Variants in RASA2 observed in about 807,000 individuals in gnomAD.
RASA2 encodes the protein ras GTPase-activating protein 2.
In RASA2, 155 loss-of-function variants were observed where a neutral mutation model predicts 118.2. The ratio of observed to expected loss-of-function variants is 1.31; its 90% CI spans 1.15 to 1.50. The LOEUF (loss-of-function observed/expected upper bound fraction) is 1.50. Ranked by LOEUF, RASA2 falls within the 40% of genes most tolerant of loss-of-function variation. The probability of loss-of-function intolerance (pLI) is 0.00; values close to 1 mark genes in which losing one functional copy is unlikely to be tolerated. For synonymous variants in RASA2, 353 were observed against 349.1 expected (o/e 1.01, Z -0.12); for missense variants, 1,016 against 1,009.6 (o/e 1.01, Z -0.09).
intron 6 of RASA2, 64 bp downstream of exon 6, chr3:141,554,004 G>A: frequency 6.5e-7 from 1 of 1,542,644 alleles, no homozygotes; most frequent in Non-Finnish European, 8.7e-7. Flanking sequence ...AATTTAAAAA[G>A]TAAGATTCTA....
intron 4 of RASA2, among the ~76,000 whole-genome samples, chr3:141,532,896 ATT>A (rs553359590): frequency 4.3e-4 from 65 of 151,992 alleles, no homozygotes; most frequent in African/African-American, 1.5e-3. Context: ...CTGTTTAAAT[ATT>A]GTTTTTTTTC....
In RASA2 at chr3:141,586,720, C is replaced by CA. The variant is rs1175520268; in HGVS notation, c.1903dup (p.Ser635LysfsTer55). On this transcript the variant is annotated frameshift_variant, in exon 19 of 24. Transcript: ENST00000286364. LOFTEE classifies it high-confidence loss of function. ...TTTAAGAAACGATGGTTCTGCTTAACAAGCAGAGAGCTCACCTACCACAAA... is the reference window on the plus strand; with the variant it reads ...TTTAAGAAACGATGGTTCTGCTTAACAAAGCAGAGAGCTCACCTACCACAAA... The CA allele has an allele frequency of 6.2e-7, 1 of 1,613,324 alleles. No homozygotes were observed.
chr3:141,499,429 C>T (rs2081746836), intron 1 of RASA2, among the ~76,000 whole-genome samples: 1 of 152,162 alleles, frequency 6.6e-6, no homozygotes, highest in Non-Finnish European at 1.5e-5. Context: ...TAGCCACACA[C>T]ACACACACGA....
chr3:141,585,601 C>G (rs181042623), intron 17 of RASA2, among the ~76,000 whole-genome samples: 18 of 152,188 alleles, frequency 1.2e-4, no homozygotes, highest in Non-Finnish European at 2.1e-4. Context: ...GAGTTCAAGA[C>G]CAGCCTGGCC....
rs985417432 is a variant in RASA2, at chr3:141,613,578, A to AT, written c.*1269dup. The stretch of plus-strand genomic sequence containing the variant: ...TATTTTGTCTTTTTTAATTCAAAAC[A>AT]TTTTCTAAATGTGGTACTTTGAACC... On this transcript the variant is annotated 3_prime_UTR_variant, in exon 24 of 24. Coordinates refer to ENST00000286364, the MANE Select transcript of RASA2 (RefSeq NM_006506.5). The AT allele has an allele frequency of 6.6e-6, 1 of 152,046 alleles. No individual in the cohort carries two copies. Among genetic ancestry groups the AT allele is most frequent in the Non-Finnish European group, 1.5e-5 (1 of 67,994 alleles). 9.4% of individuals were successfully genotyped at this position (152,046 alleles called of 1,614,324 possible).
rs200456263 is a variant in RASA2 at position 141,610,028 on chromosome 3, T to C, written c.2481T>C (p.Tyr827=). The part of the protein sequence containing the change: ...IEKLDEPHEK[Y]RKKRSSSAKY... ...AGCTGGATGAACCTCATGAAAAATA[T>C]AGGAAGAAAAGATCCAGTAGTGCAA... is the stretch of plus-strand genomic sequence containing the variant. The change falls in exon 23 of 24, where the codon TAT becomes TAC. Residue 827 remains tyrosine, a synonymous_variant. Transcript: ENST00000286364. The C allele has an allele frequency of 8.1e-6, 13 of 1,603,054 alleles. 1 individual carries two copies. The highest frequency in any genetic ancestry group is 1.3e-5 in the African/African-American group (1 of 74,232).
At chr3:141,492,870 G>A (rs1042200101) in intron 1 of RASA2, among the ~76,000 whole-genome samples, 1 of 152,128 alleles carries the variant, frequency 6.6e-6, no homozygotes, top group South Asian at 2.1e-4. Flanking sequence ...GTTAAGAGAC[G>A]CTAACCCACT....
chr3:141,589,805 C>T (rs1444766209), intron 19 of RASA2, among the ~76,000 whole-genome samples: 1 of 150,982 alleles, frequency 6.6e-6, no homozygotes, highest in Non-Finnish European at 1.5e-5. Context: ...CGCGCCACTG[C>T]ATTCCAGCCT....
rs764928134 is a variant in RASA2 at position 141,555,831 on chromosome 3, T to C, written c.612-9T>C. ...TTCTACAAGGTAAAACTCTACCACATTGGAACAGGAATGACCAAAAGAAGA... is the reference window on the plus strand; with the variant it reads ...TTCTACAAGGTAAAACTCTACCACACTGGAACAGGAATGACCAAAAGAAGA... On this transcript the variant is annotated splice_polypyrimidine_tract_variant and intron_variant, in intron 6 of 23. Transcript: ENST00000286364. The C allele has an allele frequency of 4.4e-6, 7 of 1,607,962 alleles. No individual in the cohort carries two copies. Among genetic ancestry groups the C allele is most frequent in the East Asian group, 2.2e-5 (1 of 44,750 alleles).
intron 1 of RASA2, 99 bp downstream of exon 1, chr3:141,487,315 G>C (rs1490709302): frequency 8.5e-7 from 1 of 1,182,846 alleles, no homozygotes; most frequent in African/African-American, 1.6e-5. Flanking sequence ...GCTGCGCTGG[G>C]ATCGCGGGCC....
chr3:141,576,961 T>C (rs1470874308), intron 14 of RASA2, 39 bp from the exon 15 acceptor site: 5 of 1,307,160 alleles, frequency 3.8e-6, no homozygotes, highest in African/African-American at 3.0e-5. Flanking sequence ...GTTTTTTAAT[T>C]GTTTTTGTGC....
At chr3:141,597,493 G>T (rs1441446649) in intron 19 of RASA2, among the ~76,000 whole-genome samples, 1 of 152,130 alleles carries the variant, frequency 6.6e-6, no homozygotes, top group Admixed American at 6.5e-5. Flanking sequence ...AGGCATGAGG[G>T]ATTTTATTGG....
intron 1 of RASA2, 134 bp downstream of exon 1, chr3:141,487,350 G>C (rs2081590253): frequency 9.2e-7 from 1 of 1,084,380 alleles, no homozygotes; most frequent in Middle Eastern, 3.8e-4. Flanking sequence ...GGCCGGGCGC[G>C]GTTGAGGCTG....
chr3:141,532,770 C>T (rs1468511131), intron 4 of RASA2, among the ~76,000 whole-genome samples: 1 of 152,072 alleles, frequency 6.6e-6, no homozygotes, highest in African/African-American at 2.4e-5. Context: ...TGTAGACCTC[C>T]CCCCTGCCCT....
Position 141,606,226 on chromosome 3 carries a change from C to A in RASA2, c.1934-1452C>A, listed in dbSNP as rs547288598. On this transcript the variant is annotated intron_variant, in intron 19 of 23. Coordinates refer to ENST00000286364, the MANE Select transcript of RASA2 (RefSeq NM_006506.5). ...ATCTGGCTTAGACTATGGCTTCCTT[C>A]AGTTACTGCCTCCCTGCCCCACCAT... Among the ~76,000 whole-genome samples the A allele has an allele frequency of 3.3e-5, 5 of 152,332 alleles. No homozygotes were observed. In the South Asian group the frequency reaches 1.0e-3, roughly 32 times the overall value.
intron 5 of RASA2, among the ~76,000 whole-genome samples, chr3:141,545,949 T>C (rs1051459675): frequency 2.6e-5 from 4 of 152,220 alleles, no homozygotes; most frequent in African/African-American, 9.6e-5. Flanking sequence ...AGTGAGACCA[T>C]ACGAGGTTTG....
intron 17 of RASA2, among the ~76,000 whole-genome samples, chr3:141,582,163 T>C (rs564326158): frequency 6.6e-6 from 1 of 152,318 alleles, no homozygotes; most frequent in South Asian, 2.1e-4. Context: ...GCCAGAGTAT[T>C]TATTTTGTTG....
At chr3:141,580,491 A>G in intron 16 of RASA2, 40 bp downstream of exon 16, 1 of 1,478,674 alleles carries the variant, frequency 6.8e-7, no homozygotes, top group Non-Finnish European at 9.3e-7. Flanking sequence ...TACACTTCTA[A>G]ATGTTGTTAC....
chr3:141,554,792 G>A (rs2082623978), intron 6 of RASA2, among the ~76,000 whole-genome samples: 2 of 152,086 alleles, frequency 1.3e-5, no homozygotes, highest in Non-Finnish European at 2.9e-5. Context: ...TCAAACAATA[G>A]TATGCTATTA....
Sources: gnomAD v4.1 joint callset for allele counts (sites outside exome capture counted in the v4.1 genomes callset) on GRCh38, gnomAD v4.1.1 for gene constraint, MANE v1.5 for transcripts, NCBI Gene and HGNC (gene_info 2026-07-23, HGNC 2026-07-21) for gene names.